Variants in PALB2 observed in about 807,000 individuals in gnomAD.
PALB2 encodes partner and localizer of BRCA2.
In PALB2, 82 loss-of-function variants were observed where a neutral mutation model predicts 107.4. The observed-to-expected ratio is 0.76, with a 90% CI of 0.64 to 0.92. The LOEUF is 0.92. Ranked by LOEUF, PALB2 falls within the 40% of genes least tolerant of loss-of-function variation. PALB2 has a pLI of 0.00. For missense variants in PALB2, 1,374 were observed against 1,379.9 expected (o/e 1.00, Z 0.07); for synonymous variants, 489 against 496.8 (o/e 0.98, Z 0.21).
chr16:23,627,380 G>A (rs370897317), intron 6 of PALB2, among the ~76,000 whole-genome samples: 5 of 151,544 alleles, frequency 3.3e-5, no homozygotes, highest in Admixed American at 2.6e-4. Flanking sequence ...CCAGCTACTC[G>A]GGAGGCTGAG....
At chr16:23,627,440 T>C (rs1966846499) in intron 6 of PALB2, among the ~76,000 whole-genome samples, 1 of 148,956 alleles carries the variant, frequency 6.7e-6, no homozygotes, top group Non-Finnish European at 1.5e-5. Flanking sequence ...TGAGCCGAGA[T>C]TGCGCCACTG....
chr16:23,629,467 G>C (rs1035961673), intron 5 of PALB2, among the ~76,000 whole-genome samples, 173 bp downstream of exon 5: 11 of 152,150 alleles, frequency 7.2e-5, no homozygotes, highest in African/African-American at 2.7e-4. Context: ...ACATTTTAAT[G>C]AACCTTAATT....
chr16:23,621,954 TCTC>T lies in PALB2; in HGVS notation c.2997-479_2997-477del, dbSNP rs1966780920. ...TCACCAAGTCCCAGTAATTTTATCT[TCTC>T]ATCTCTCAGAAATCTGTCTGCTTCT... On this transcript the variant is annotated intron_variant, in intron 9 of 12. Transcript: ENST00000261584. Among the ~76,000 whole-genome samples the T allele has an allele frequency of 3.9e-5, 6 of 152,294 alleles. No homozygotes were observed. The South Asian group carries it at 1.0e-3, about 26-fold the overall frequency.
chr16:23,608,126 G>GGAT, intron 11 of PALB2, 114 bp from the exon 12 acceptor site: 1 of 1,150,082 alleles, frequency 8.7e-7, no homozygotes, highest in South Asian at 1.3e-5. Flanking sequence ...GATAGGCTCT[G>GGAT]AAGTATCCAG....
chr16:23,629,582 C>T (rs1966855161), intron 5 of PALB2, 58 bp downstream of exon 5: 1 of 1,519,968 alleles, frequency 6.6e-7, no homozygotes, highest in East Asian at 2.2e-5. Context: ...ATGCTGTTTA[C>T]ATTCACTAAG....
intron 10 of PALB2, among the ~76,000 whole-genome samples, chr16:23,620,425 C>G (rs777602780): frequency 2.4e-4 from 37 of 152,276 alleles, no homozygotes; most frequent in Middle Eastern, 3.4e-3. Context: ...TCCAGTCACC[C>G]AGTGAGCAGA....
At chr16:23,614,704 G>A (rs1431283003) in intron 10 of PALB2, among the ~76,000 whole-genome samples, 3 of 138,476 alleles carry the variant, frequency 2.2e-5, no homozygotes, top group Non-Finnish European at 4.6e-5. Flanking sequence ...AGGCTGGAGT[G>A]CAGTGGCGGG....
Position 23,635,094 on chromosome 16 carries a change from T to C in PALB2, c.1452A>G (p.Leu484=), listed in dbSNP as rs1262680014. The change falls in exon 4 of 13, where the codon TTA becomes TTG. Residue 484 remains leucine (L), a synonymous_variant. Transcript: ENST00000261584. ...GCCCAGCGGGAGAGCTGACTTTAGTTAATGAGAGAAGTTTCTGAGAGGTTC... is the reference window on the plus strand; with the variant it reads ...GCCCAGCGGGAGAGCTGACTTTAGTCAATGAGAGAAGTTTCTGAGAGGTTC... ...SSRTSQKLLS[L]TKVSSPAGPT... is the part of the protein sequence containing the mutation. The C allele has an allele frequency of 6.2e-7, 1 of 1,614,216 alleles. No individual in the cohort carries two copies. The highest frequency in any genetic ancestry group is 1.1e-5 in the South Asian group (1 of 91,088).
Position 23,636,312 on chromosome 16 carries a change from A to C in PALB2, c.234T>G (p.Val78=). The change falls in exon 4 of 13, where the codon GTT becomes GTG. Residue 78 remains valine (V), a synonymous_variant. Transcript: ENST00000261584. The part of the protein sequence containing the change: ...KHSEPKNKIC[V]YDKLHIKTHL... ...GGGTTTTGATGTGTAACTTGTCATA[A>C]ACACATATTTTATTTTTAGGTTCTG... 1 of 1,610,908 alleles carries C rather than the reference A, an allele frequency of 6.2e-7. No homozygotes were observed. Among genetic ancestry groups the C allele is most frequent in the African/African-American group, 1.3e-5 (1 of 74,978 alleles).
intron 4 of PALB2, among the ~76,000 whole-genome samples, chr16:23,632,401 G>A (rs1214313587): frequency 6.6e-6 from 1 of 152,094 alleles, no homozygotes; most frequent in African/African-American, 2.4e-5. Flanking sequence ...CCAAGATTGT[G>A]CCACTGCACT....
In PALB2 at chr16:23,623,024, T is replaced by G. The variant is rs1460156504; in HGVS notation, c.2941A>C (p.Ser981Arg). The G allele has an allele frequency of 1.2e-6, 2 of 1,614,150 alleles. No individual in the cohort carries two copies. The highest frequency in any genetic ancestry group is 1.7e-6 in the Non-Finnish European group (2 of 1,180,018). The change falls in exon 9 of 13, where the codon AGT becomes CGT. Residue 981 changes from serine (S) to arginine (R), a missense_variant. Coordinates refer to ENST00000261584, the MANE Select transcript of PALB2 (RefSeq NM_024675.4). ...ACTTGTTGATCAGAAAGGGTCCCAC[T>G]GCTACTAACTAGCCTCCTCTTTGTC... is the stretch of plus-strand genomic sequence containing the variant. ...GLTKRRLVSS[S>R]GTLSDQQVEV...
Position 23,636,072 on chromosome 16 carries a change from C to G in PALB2, c.474G>C (p.Gln158His), listed in dbSNP as rs878855119. Residue 158 changes from glutamine to histidine, a missense_variant, in exon 4 of 13, where the codon CAG becomes CAC. Gln to His is a conservative substitution (Grantham distance 24). Transcript: ENST00000261584. ...CAGTGCCAAAGACACAGTCTCTCTC[C>G]TGTGAAATAAATGTCCTCTTCTGCT... ...KKQQKRTFIS[Q>H]ERDCVFGTDS... 5 of 1,614,036 alleles carry G rather than the reference C, an allele frequency of 3.1e-6. No homozygotes were observed. In the African/African-American group the frequency reaches 4.0e-5, roughly 13 times the overall value.
chr16:23,632,506 CATAT>C (rs1184308043), intron 4 of PALB2, among the ~76,000 whole-genome samples: 2 of 152,024 alleles, frequency 1.3e-5, no homozygotes, highest in African/African-American at 4.8e-5. Flanking sequence ...TGTATGATTC[CATAT>C]ATATGAAATA....
chr16:23,633,472 T>C (rs1380714072), intron 4 of PALB2, among the ~76,000 whole-genome samples: 2 of 152,216 alleles, frequency 1.3e-5, no homozygotes, highest in Non-Finnish European at 2.9e-5. Context: ...TGCTGATCCC[T>C]AGTTTAGAGC....
chr16:23,630,583 G>A, intron 4 of PALB2, 114 bp from the exon 5 acceptor site: 1 of 872,328 alleles, frequency 1.1e-6, no homozygotes, highest in South Asian at 1.6e-5. Context: ...ACATTTTAAT[G>A]AACCTTAATT....
In PALB2 at chr16:23,630,296, C is replaced by G. The variant is rs777940379; in HGVS notation, c.1858G>C (p.Gly620Arg). ...TDFQLPDEDF[G>R]PLKLEKVKSC... ...TTCACTTTTTCAAGCTTAAGAGGTC[C>G]AAAGTCTTCATCAGGTAACTGAAAG... The change falls in exon 5 of 13, where the codon GGA becomes CGA. Residue 620 changes from glycine to arginine, a missense_variant. Gly to Arg is a moderately radical substitution (Grantham distance 125). Transcript: ENST00000261584. The G allele has an allele frequency of 3.1e-6, 5 of 1,614,120 alleles. No homozygotes were observed. In the South Asian group the frequency reaches 5.5e-5, roughly 18 times the overall value.
chr16:23,614,746 G>A (rs944620295), intron 10 of PALB2, among the ~76,000 whole-genome samples: 3 of 147,154 alleles, frequency 2.0e-5, no homozygotes, highest in African/African-American at 7.5e-5. Flanking sequence ...CGCCTCCCGG[G>A]TTCACGCCAT....
intron 9 of PALB2, 42 bp downstream of exon 9, chr16:23,622,927 T>C (rs2142333728): frequency 1.9e-6 from 3 of 1,610,364 alleles, no homozygotes; most frequent in Non-Finnish European, 2.5e-6. Context: ...GATAAAATCA[T>C]TCTTCATCTA....
chr16:23,604,379 C>T (rs1433791101), intron 12 of PALB2, among the ~76,000 whole-genome samples: 1 of 152,102 alleles, frequency 6.6e-6, no homozygotes, highest in Non-Finnish European at 1.5e-5. Flanking sequence ...ATTTTAAGAG[C>T]ACATACTTGA....
Sources: gnomAD v4.1 joint callset for allele counts (sites outside exome capture counted in the v4.1 genomes callset) on GRCh38, gnomAD v4.1.1 for gene constraint, MANE v1.5 for transcripts, NCBI Gene and HGNC (gene_info 2026-07-23, HGNC 2026-07-21) for gene names.